Variants in GALNT2 observed in about 807,000 individuals in gnomAD.
The protein encoded by GALNT2 is polypeptide N-acetylgalactosaminyltransferase 2.
Under a neutral mutation model 81.4 loss-of-function variants are expected in GALNT2, and 31 were observed. The observed-to-expected ratio is 0.38, with a 90% CI of 0.29 to 0.51. The LOEUF is 0.51. Ranked by LOEUF, GALNT2 falls within the 20% of genes least tolerant of loss-of-function variation. The pLI, the probability that GALNT2 is intolerant of heterozygous loss-of-function variation, is 0.87. For synonymous variants in GALNT2, 303 were observed against 287.4 expected (o/e 1.05, Z -0.55); for missense variants, 629 against 765.7 (o/e 0.82, Z 2.11).
intron 8 of GALNT2, among the ~76,000 whole-genome samples, chr1:230,246,373 T>C (rs1474222245): frequency 6.6e-6 from 1 of 152,200 alleles, no homozygotes; most frequent in Non-Finnish European, 1.5e-5. Context: ...TTTCTCCTCT[T>C]CCTTGACCTT....
At chr1:230,265,504 G>T in intron 14 of GALNT2, 137 bp downstream of exon 14, 1 of 1,198,632 alleles carries the variant, frequency 8.3e-7, no homozygotes, top group Non-Finnish European at 1.2e-6. Context: ...GGCTCCTGCT[G>T]GCCACAGCCT....
At chr1:230,153,084 G>A (rs1662139188) in intron 1 of GALNT2, among the ~76,000 whole-genome samples, 1 of 152,150 alleles carries the variant, frequency 6.6e-6, no homozygotes, top group Non-Finnish European at 1.5e-5. Flanking sequence ...TATTTTTAGA[G>A]ATGAGGTCTT....
At position 230,275,364 on chromosome 1, in the gene GALNT2, T is replaced by C. The variant is rs1407774391; in HGVS notation, c.1560+800T>C. 6.6e-6 allele frequency among the ~76,000 whole-genome samples: 1 copy of C among 151,026 alleles called. No individual in the cohort carries two copies. Among genetic ancestry groups the C allele is most frequent in the African/African-American group, 2.4e-5 (1 of 41,048 alleles). ...TATACATATATATACATGCCACATA[T>C]ACATCTATAAACACCACATGTATAC... is the stretch of plus-strand genomic sequence containing the variant. On this transcript the variant is annotated intron_variant, in intron 15 of 15. Coordinates refer to ENST00000366672, the MANE Select transcript of GALNT2 (RefSeq NM_004481.5). This position sits in a 1 kb window ranked among gnomAD's most constrained non-coding sequence, Gnocchi z 5.5.
At position 230,081,274 on chromosome 1, in the gene GALNT2, TG is replaced by T. The variant is rs558615326; in HGVS notation, c.126+13872del. On this transcript the variant is annotated intron_variant, in intron 1 of 15. Coordinates refer to ENST00000366672, the MANE Select transcript of GALNT2 (RefSeq NM_004481.5). ...GCTGGTGTGAGGACCGAGTGGCCCC[TG>T]GGGTTCTGCAGGTAGCTTCAGGCCA... Among the ~76,000 whole-genome samples, 513 of 152,290 alleles carry T rather than the reference TG, an allele frequency of 3.4e-3. 3 individuals are homozygous for T. The highest frequency in any genetic ancestry group is 9.1e-3 in the South Asian group (44 of 4,826).
intron 1 of GALNT2, among the ~76,000 whole-genome samples, chr1:230,152,585 T>A (rs1040645046): frequency 6.6e-6 from 1 of 152,214 alleles, no homozygotes; most frequent in African/African-American, 2.4e-5. Flanking sequence ...GGGGGATGGA[T>A]GTCTACATCA....
chr1:230,152,015 C>T lies in GALNT2; in HGVS notation c.127-26203C>T, dbSNP rs137920311. ...GCAGTGAGGACGACCAGAGGTCATT[C>T]CTGTGGCCATCTTGGTTTTGGTGGG... On this transcript the variant is annotated intron_variant, in intron 1 of 15. Transcript: ENST00000366672. Among the ~76,000 whole-genome samples the T allele has an allele frequency of 3.0e-3, 461 of 152,264 alleles. 1 individual carries two copies. Among genetic ancestry groups the T allele is most frequent in the African/African-American group, 0.011 (449 of 41,548 alleles).
At chr1:230,178,147 A>G (rs1663044349) in intron 1 of GALNT2, 71 bp from the exon 2 acceptor site, 1 of 1,197,062 alleles carries the variant, frequency 8.4e-7, no homozygotes, top group East Asian at 2.3e-5. Flanking sequence ...AAGACTCGGT[A>G]TGTATTGAAC....
chr1:230,231,366 A>G (rs999924046), intron 3 of GALNT2, among the ~76,000 whole-genome samples: 5 of 152,180 alleles, frequency 3.3e-5, no homozygotes, highest in African/African-American at 1.2e-4. Flanking sequence ...CAAGGTTACC[A>G]AGGGCCCTTT....
At chr1:230,250,680 C>A in intron 10 of GALNT2, 120 bp downstream of exon 10, 1 of 644,654 alleles carries the variant, frequency 1.6e-6, no homozygotes, top group Non-Finnish European at 2.7e-6. Flanking sequence ...CTTAATCGAT[C>A]CTTGCAAACA....
chr1:230,113,409 C>T (rs1660758144), intron 1 of GALNT2, among the ~76,000 whole-genome samples: 1 of 152,198 alleles, frequency 6.6e-6, no homozygotes, highest in East Asian at 1.9e-4. Context: ...ATACCTGGAG[C>T]TGCAGGGCGG....
chr1:230,238,658 T>A (rs115201967), intron 6 of GALNT2, among the ~76,000 whole-genome samples: 1 of 152,226 alleles, frequency 6.6e-6, no homozygotes, highest in Non-Finnish European at 1.5e-5. Context: ...TCTGTTAATA[T>A]GGTGAAATAC....
At chr1:230,191,027 A>G (rs1663507121) in intron 2 of GALNT2, among the ~76,000 whole-genome samples, 1 of 152,138 alleles carries the variant, frequency 6.6e-6, no homozygotes, top group Admixed American at 6.5e-5. Context: ...CTATTTTCTT[A>G]CTCTAGCCAA....
At chr1:230,178,059 T>A (rs1663041105) in intron 1 of GALNT2, among the ~76,000 whole-genome samples, 159 bp from the exon 2 acceptor site, 1 of 152,152 alleles carries the variant, frequency 6.6e-6, no homozygotes, top group African/African-American at 2.4e-5. Flanking sequence ...CCTAACAATT[T>A]CTGGTGTGTG....
At chr1:230,100,310 C>CTTTTTTTTTTTTTTTTTTTT (rs573478928) in intron 1 of GALNT2, among the ~76,000 whole-genome samples, 1 of 85,776 alleles carries the variant, frequency 1.2e-5, no homozygotes, top group African/African-American at 5.1e-5. Flanking sequence ...CTTTTTATTC[C>CTTTTTTTTTTTTTTTTTTTT]TTTTTTTTTT....
At chr1:230,088,203 T>C (rs1377373702) in intron 1 of GALNT2, among the ~76,000 whole-genome samples, 6 of 152,212 alleles carry the variant, frequency 3.9e-5, no homozygotes, top group Non-Finnish European at 7.3e-5. Flanking sequence ...TTGTGAAACT[T>C]TGTCATCTTG....
chr1:230,080,770 A>G (rs1659701987), intron 1 of GALNT2, among the ~76,000 whole-genome samples: 1 of 152,156 alleles, frequency 6.6e-6, no homozygotes, highest in Admixed American at 6.5e-5. Context: ...TTAACCCTTC[A>G]GTGCCTCAGT....
chr1:230,141,609 C>T (rs568653786), intron 1 of GALNT2, among the ~76,000 whole-genome samples: 39 of 152,188 alleles, frequency 2.6e-4, no homozygotes, highest in African/African-American at 7.7e-4. Context: ...CATGTTGTAG[C>T]GCGCGTCAGA....
At chr1:230,215,099 G>C (rs1041568578) in intron 3 of GALNT2, among the ~76,000 whole-genome samples, 2 of 152,150 alleles carry the variant, frequency 1.3e-5, no homozygotes, top group Non-Finnish European at 2.9e-5. Flanking sequence ...GCTGGGTTTC[G>C]GTCTTTTGTG....
intron 8 of GALNT2, among the ~76,000 whole-genome samples, chr1:230,246,808 TTGTC>T (rs1665385928): frequency 6.6e-6 from 1 of 152,128 alleles, no homozygotes; most frequent in Non-Finnish European, 1.5e-5. Context: ...CAAGAGCACT[TTGTC>T]TGTTTACCCT....
Sources: gnomAD v4.1 joint callset for allele counts (sites outside exome capture counted in the v4.1 genomes callset) on GRCh38, gnomAD v4.1.1 for gene constraint, Gnocchi (gnomAD v3.1) non-coding constraint, MANE v1.5 for transcripts, NCBI Gene and HGNC (gene_info 2026-07-23, HGNC 2026-07-21) for gene names.